Variants in C8orf74 observed in about 807,000 individuals in gnomAD.
The protein encoded by C8orf74 is chromosome 8 open reading frame 74, also known as uncharacterized protein C8orf74.
C8orf74 carries 29 observed loss-of-function variants against 22.2 expected under a neutral mutation model. That is an observed-to-expected ratio of 1.31 (90% CI 0.97 to 1.78). The LOEUF is 1.78. Among genes scored for constraint, C8orf74 ranks in the 40% most tolerant of loss-of-function variants. The pLI is 0.00. For missense variants in C8orf74, 515 were observed against 369.9 expected (o/e 1.39, Z -3.22); for synonymous variants, 255 against 163.1 (o/e 1.56, Z -4.30).
intron 2 of C8orf74, among the ~76,000 whole-genome samples, chr8:10,676,564 T>C (rs1799036868): frequency 6.6e-6 from 1 of 152,206 alleles, no homozygotes. Flanking sequence ...GGTCAGCCTT[T>C]CTTTAATCTC....
At chr8:10,682,270 G>T (rs1211595254) in intron 2 of C8orf74, among the ~76,000 whole-genome samples, 5 of 152,212 alleles carry the variant, frequency 3.3e-5, no homozygotes, top group Non-Finnish European at 7.3e-5. Flanking sequence ...CCTAGATTAA[G>T]ATCTTAGAGG....
At chr8:10,699,146 G>A (rs1338662895) in intron 3 of C8orf74, among the ~76,000 whole-genome samples, 1 of 152,184 alleles carries the variant, frequency 6.6e-6, no homozygotes, top group Non-Finnish European at 1.5e-5. Flanking sequence ...GCAGGGTGGG[G>A]CATGGCCACA....
intron 1 of C8orf74, among the ~76,000 whole-genome samples, chr8:10,674,094 C>A (rs1382666346): frequency 1.4e-5 from 2 of 146,884 alleles, no homozygotes; most frequent in Admixed American, 6.8e-5. Context: ...CATGTCATAC[C>A]CTGCAACCCC....
intron 2 of C8orf74, among the ~76,000 whole-genome samples, chr8:10,676,788 CAT>C (rs921948056): frequency 6.6e-6 from 1 of 152,184 alleles, no homozygotes; most frequent in African/African-American, 2.4e-5. Context: ...CTCACAGCCA[CAT>C]GTGAGTACCA....
chr8:10,699,884 C>T (rs1032550712), intron 3 of C8orf74, among the ~76,000 whole-genome samples: 3 of 152,164 alleles, frequency 2.0e-5, no homozygotes, highest in African/African-American at 4.8e-5. Flanking sequence ...ACAGCCTGGC[C>T]GTCACTCTAG....
intron 2 of C8orf74, among the ~76,000 whole-genome samples, chr8:10,695,493 A>T (rs537997377): frequency 6.6e-6 from 1 of 152,282 alleles, no homozygotes; most frequent in South Asian, 2.1e-4. Flanking sequence ...CTCCCAGCAC[A>T]TCCTAACATG....
chr8:10,697,478 T>A (rs968496104), intron 2 of C8orf74, 121 bp from the exon 3 acceptor site: 17 of 774,644 alleles, frequency 2.2e-5, no homozygotes, highest in African/African-American at 7.1e-5. Context: ...AAATATTTTT[T>A]AAAAATGCAG....
At chr8:10,685,856 T>C (rs756483768) in intron 2 of C8orf74, among the ~76,000 whole-genome samples, 1 of 152,088 alleles carries the variant, frequency 6.6e-6, no homozygotes, top group Non-Finnish European at 1.5e-5. Context: ...GATCACGAGA[T>C]AAGGAGATTG....
At position 10,684,327 on chromosome 8, in the gene C8orf74, C is replaced by T. The variant is rs1221092215; in HGVS notation, c.241+9489C>T. Among the ~76,000 whole-genome samples the T allele has an allele frequency of 2.6e-5, 4 of 152,314 alleles. No individual in the cohort carries two copies. The East Asian group carries it at 7.7e-4, about 29-fold the overall frequency. On this transcript the variant is annotated intron_variant, in intron 2 of 3. Coordinates refer to ENST00000304519, the MANE Select transcript of C8orf74 (RefSeq NM_001040032.2). ...AGCTCTTTCACATGAATCATTCTAG[C>T]TCCTTGAGAAATGGCGGCAAGGATC...
At chr8:10,676,136 A>C (rs897297969) in intron 2 of C8orf74, among the ~76,000 whole-genome samples, 2 of 152,088 alleles carry the variant, frequency 1.3e-5, no homozygotes, top group African/African-American at 2.4e-5. Flanking sequence ...TATTGTTGCA[A>C]CTTTTCATTT....
At chr8:10,683,135 G>A (rs1388460569) in intron 2 of C8orf74, among the ~76,000 whole-genome samples, 1 of 152,218 alleles carries the variant, frequency 6.6e-6, no homozygotes, top group Non-Finnish European at 1.5e-5. Flanking sequence ...GTGGGCCAGG[G>A]CTGCGGAGTG....
At chr8:10,678,415 C>T (rs1799077899) in intron 2 of C8orf74, among the ~76,000 whole-genome samples, 1 of 152,088 alleles carries the variant, frequency 6.6e-6, no homozygotes, top group African/African-American at 2.4e-5. Flanking sequence ...CTCGAGGGAG[C>T]AGGATGTGAT....
At chr8:10,695,344 G>T (rs975268283) in intron 2 of C8orf74, among the ~76,000 whole-genome samples, 15 of 152,152 alleles carry the variant, frequency 9.9e-5, no homozygotes, top group Non-Finnish European at 1.0e-4. Context: ...CCCGAGAGGA[G>T]TGTAACCCTT....
intron 2 of C8orf74, among the ~76,000 whole-genome samples, chr8:10,681,870 A>G (rs1799158601): frequency 6.6e-6 from 1 of 152,094 alleles, no homozygotes; most frequent in Non-Finnish European, 1.5e-5. Context: ...TGGTCCTGGC[A>G]TCTGCAGTTC....
At chr8:10,677,707 C>T (rs981440537) in intron 2 of C8orf74, among the ~76,000 whole-genome samples, 9 of 152,076 alleles carry the variant, frequency 5.9e-5, no homozygotes, top group Non-Finnish European at 1.0e-4. Flanking sequence ...TCTTAACATA[C>T]GGCATCTGGA....
intron 2 of C8orf74, among the ~76,000 whole-genome samples, chr8:10,677,185 T>G (rs1160927315): frequency 6.6e-6 from 1 of 152,092 alleles, no homozygotes; most frequent in African/African-American, 2.4e-5. Flanking sequence ...CCTCCTGCAC[T>G]TCATTCCTTA....
At chr8:10,677,551 GTT>G (rs1799058998) in intron 2 of C8orf74, among the ~76,000 whole-genome samples, 2 of 152,046 alleles carry the variant, frequency 1.3e-5, no homozygotes, top group Non-Finnish European at 2.9e-5. Flanking sequence ...ATATGCCTGT[GTT>G]TACTACCACC....
chr8:10,682,691 A>G (rs1244960990), intron 2 of C8orf74, among the ~76,000 whole-genome samples: 1 of 152,216 alleles, frequency 6.6e-6, no homozygotes, highest in East Asian at 1.9e-4. Context: ...TAGGACCTCA[A>G]CACGTAAACT....
At chr8:10,688,271 T>C (rs1310247946) in intron 2 of C8orf74, 1 of 152,048 alleles carries the variant, frequency 6.6e-6, no homozygotes, top group Non-Finnish European at 1.5e-5. Context: ...AGCCTCTTTC[T>C]GACTCTTTCC....
Sources: allele counts gnomAD v4.1 joint callset (sites outside exome capture counted in the v4.1 genomes callset), GRCh38; gene constraint gnomAD v4.1.1; transcripts MANE v1.5; gene names NCBI Gene and HGNC (gene_info 2026-07-23, HGNC 2026-07-21).